The following MAL variants were observed in gnomAD, a reference collection of about 807,000 sequenced individuals.
MAL encodes the protein mal, T cell differentiation protein (MAL blood group).
MAL carries 5 observed loss-of-function variants against 16.7 expected under a neutral mutation model. That is an observed-to-expected ratio of 0.30 (90% CI 0.16 to 0.63). The LOEUF is 0.63. Ranked by LOEUF, MAL falls within the 30% of genes least tolerant of loss-of-function variation. The pLI is 0.82. For synonymous variants in MAL, 96 were observed against 85.5 expected (o/e 1.12, Z -0.67); for missense variants, 202 against 195.8 (o/e 1.03, Z -0.19).
In MAL at chr2:95,041,260, G is replaced by A. The variant is rs187074390; in HGVS notation, c.94-6699G>A. ...CTTCCCGTCCTTGATGACCAGGCCC[G>A]TTGTTGGAAGGAAGGCCGGCTCATA... On this transcript the variant is annotated intron_variant, in intron 1 of 3. Coordinates refer to ENST00000309988, the MANE Select transcript of MAL (RefSeq NM_002371.4). Among the ~76,000 whole-genome samples, 33 of 152,318 alleles carry A rather than the reference G, an allele frequency of 2.2e-4. No individual in the cohort carries two copies. The East Asian group carries it at 5.8e-3, about 27-fold the overall frequency.
At chr2:95,030,336 C>A (rs1202741451) in intron 1 of MAL, among the ~76,000 whole-genome samples, 1 of 152,306 alleles carries the variant, frequency 6.6e-6, no homozygotes, top group African/African-American at 2.4e-5. Context: ...GTGAAATAGC[C>A]AATGCTCTCC....
At chr2:95,034,178 T>A (rs1674151239) in intron 1 of MAL, among the ~76,000 whole-genome samples, 1 of 152,176 alleles carries the variant, frequency 6.6e-6, no homozygotes, top group Non-Finnish European at 1.5e-5. Flanking sequence ...GAGGGCACAC[T>A]TGACTTTTCC....
chr2:95,052,012 A>C (rs1273880787), intron 3 of MAL, among the ~76,000 whole-genome samples: 1 of 152,122 alleles, frequency 6.6e-6, no homozygotes, highest in Non-Finnish European at 1.5e-5. Flanking sequence ...CCTCACATCC[A>C]CTGTGTGGCT....
At chr2:95,038,286 GGGTGAGTGAGTGACTT>G (rs1674306400) in intron 1 of MAL, among the ~76,000 whole-genome samples, 1 of 151,448 alleles carries the variant, frequency 6.6e-6, no homozygotes, top group Non-Finnish European at 1.5e-5. Context: ...GTGACCGAGT[GGGTGAGTGAGTGACTT>G]GGTGAGTGAG....
At chr2:95,034,062 C>T (rs370042527) in intron 1 of MAL, among the ~76,000 whole-genome samples, 3 of 152,218 alleles carry the variant, frequency 2.0e-5, no homozygotes, top group Non-Finnish European at 4.4e-5. Context: ...CGACCTGTGC[C>T]GATGGCAGGG....
chr2:95,033,227 G>T (rs1646136274), intron 1 of MAL, among the ~76,000 whole-genome samples: 2 of 152,218 alleles, frequency 1.3e-5, no homozygotes, highest in African/African-American at 4.8e-5. Flanking sequence ...TCCCTGACCT[G>T]TCAGTGGAGT....
intron 1 of MAL, among the ~76,000 whole-genome samples, chr2:95,037,597 TGGGTGAGTAACA>T (rs1674268190): frequency 6.6e-6 from 1 of 150,572 alleles, no homozygotes; most frequent in African/African-American, 2.5e-5. Flanking sequence ...AGTGAGTGAG[TGGGTGAGTAACA>T]GAGTGAGTGA....
chr2:95,039,420 GTGAGTGAC>G (rs1374671408), intron 1 of MAL, among the ~76,000 whole-genome samples: 16 of 151,206 alleles, frequency 1.1e-4, no homozygotes, highest in African/African-American at 2.2e-4. Flanking sequence ...GGGTGAGTGA[GTGAGTGAC>G]TGAGTGACTG....
At chr2:95,044,205 A>G (rs1310106002) in intron 1 of MAL, 1 of 152,246 alleles carries the variant, frequency 6.6e-6, no homozygotes, top group Non-Finnish European at 1.5e-5. Context: ...ATGAAAGTTC[A>G]AAATATGGAA....
intron 1 of MAL, among the ~76,000 whole-genome samples, chr2:95,028,899 G>A (rs1057066171): frequency 6.6e-6 from 1 of 152,158 alleles, no homozygotes; most frequent in African/African-American, 2.4e-5. Flanking sequence ...CAGGGACCAA[G>A]GGGAGCAATT....
rs368956568 is a variant in MAL at position 95,053,292 on chromosome 2, C to A, written c.388-89C>A. On this transcript the variant is annotated intron_variant, in intron 3 of 3. Coordinates refer to ENST00000309988, the MANE Select transcript of MAL (RefSeq NM_002371.4). ...CCCAAGCTCTCTGGGTCTGGCCCCC[C>A]CTACGCCACGTGGGGCTGGATGCAG... is the stretch of plus-strand genomic sequence containing the variant. The A allele has an allele frequency of 2.1e-4, 192 of 896,852 alleles. No homozygotes were observed. In the Middle Eastern group the frequency reaches 2.3e-3, roughly 11 times the overall value. 55.6% of individuals were successfully genotyped at this position (896,852 alleles called of 1,614,324 possible).
At chr2:95,046,990 G>A (rs1315015096) in intron 1 of MAL, among the ~76,000 whole-genome samples, 2 of 150,140 alleles carry the variant, frequency 1.3e-5, no homozygotes, top group African/African-American at 4.9e-5. Context: ...GAAAGAAAAA[G>A]AAGGAAGGAA....
At chr2:95,034,004 A>G (rs1573288577) in intron 1 of MAL, among the ~76,000 whole-genome samples, 1 of 152,230 alleles carries the variant, frequency 6.6e-6, no homozygotes. Context: ...AAGTGCTGTT[A>G]TTATTAGTTG....
chr2:95,025,988 C>A lies in MAL; in HGVS notation c.93+103C>A. 1 of 1,026,718 alleles carries A rather than the reference C, an allele frequency of 9.7e-7. No homozygotes were observed. Among genetic ancestry groups the A allele is most frequent in the South Asian group, 1.7e-5 (1 of 59,876 alleles). 63.6% of individuals were successfully genotyped at this position (1,026,718 alleles called of 1,614,324 possible). On this transcript the variant is annotated intron_variant, in intron 1 of 3. Transcript: ENST00000309988. The surrounding 1 kb of genome is among the most constrained non-coding windows in gnomAD (Gnocchi z 5.6). ...ACGGGATCCGCTAGCTGCGCAGGTT[C>A]TGGGAGCATCGGGGCAGCAGGCGCA... is the stretch of plus-strand genomic sequence containing the variant.
chr2:95,051,102 A>C (rs572591174), intron 3 of MAL, among the ~76,000 whole-genome samples: 2 of 152,368 alleles, frequency 1.3e-5, no homozygotes, highest in Non-Finnish European at 2.9e-5. Context: ...GGAAAAACCC[A>C]GCTAGGGGAA....
chr2:95,046,850 A>G (rs1674596264), intron 1 of MAL, among the ~76,000 whole-genome samples: 2 of 151,420 alleles, frequency 1.3e-5, no homozygotes, highest in Admixed American at 1.3e-4. Context: ...AGAAAGAGAA[A>G]GGGAGAGAGA....
intron 1 of MAL, among the ~76,000 whole-genome samples, chr2:95,033,770 C>A (rs1345980238): frequency 6.6e-6 from 1 of 152,008 alleles, no homozygotes; most frequent in Non-Finnish European, 1.5e-5. Flanking sequence ...AGAGTGAGAA[C>A]CTGTCATCAA....
intron 1 of MAL, among the ~76,000 whole-genome samples, chr2:95,031,217 T>A (rs556103009): frequency 3.9e-5 from 6 of 152,268 alleles, no homozygotes; most frequent in African/African-American, 1.4e-4. Context: ...TCCTTTCACC[T>A]AATCAGCCAC....
intron 1 of MAL, among the ~76,000 whole-genome samples, chr2:95,042,873 A>G (rs1674502931): frequency 6.6e-6 from 1 of 152,190 alleles, no homozygotes. Context: ...TGTGCCCAGG[A>G]GTGCCTTAAC....
Sources: allele counts gnomAD v4.1 joint callset (sites outside exome capture counted in the v4.1 genomes callset), GRCh38; gene constraint gnomAD v4.1.1; non-coding constraint Gnocchi (gnomAD v3.1); transcripts MANE v1.5; gene names NCBI Gene and HGNC (gene_info 2026-07-23, HGNC 2026-07-21).